Variants in CDH23 observed in about 807,000 individuals in gnomAD.
CDH23 encodes cadherin related 23.
CDH23 carries 189 observed loss-of-function variants against 317.1 expected under a neutral mutation model. The ratio of observed to expected loss-of-function variants is 0.60; its 90% CI spans 0.53 to 0.67. The LOEUF (loss-of-function observed/expected upper bound fraction) is 0.67, where lower values mean the gene tolerates loss of function less well. CDH23 is among the 30% of genes least tolerant of loss of function. CDH23 has a pLI of 0.00. For synonymous variants in CDH23, 1,839 were observed against 1,876.8 expected, an observed-to-expected ratio of 0.98 and a Z score of 0.52; for missense variants, 4,401 against 4,592.4, an observed-to-expected ratio of 0.96 and a Z score of 1.20.
chr10:71,628,857 A>G (rs781038181), intron 11 of CDH23, among the ~76,000 whole-genome samples: 6 of 152,228 alleles, frequency 3.9e-5, no homozygotes, highest in African/African-American at 7.2e-5. Context: ...TGCAAGGTGC[A>G]GAGCACGTTT....
At chr10:71,504,707 C>G (rs1853537283) in intron 3 of CDH23, among the ~76,000 whole-genome samples, 3 of 152,178 alleles carry the variant, frequency 2.0e-5, no homozygotes, top group Admixed American at 2.0e-4. Flanking sequence ...AAGACTGGGC[C>G]TTTCAGTCAT....
intron 6 of CDH23, among the ~76,000 whole-genome samples, chr10:71,532,061 G>T (rs571443965): frequency 3.9e-5 from 6 of 152,236 alleles, no homozygotes; most frequent in African/African-American, 1.4e-4. Flanking sequence ...AGAGCAAAAG[G>T]TAGGAAAAGC....
At chr10:71,479,718 G>A (rs1404532572) in intron 3 of CDH23, among the ~76,000 whole-genome samples, 9 of 152,076 alleles carry the variant, frequency 5.9e-5, no homozygotes, top group Admixed American at 5.9e-4. Context: ...GGCCCGGTGA[G>A]GATCAGGGGC....
intron 9 of CDH23, among the ~76,000 whole-genome samples, chr10:71,582,398 G>C (rs1480886922): frequency 6.6e-6 from 1 of 152,158 alleles, no homozygotes; most frequent in African/African-American, 2.4e-5. Context: ...TTATATTGAT[G>C]ACATGTTGAA....
chr10:71,420,111 T>C (rs1028510732), intron 1 of CDH23, among the ~76,000 whole-genome samples: 2 of 152,160 alleles, frequency 1.3e-5, no homozygotes, highest in African/African-American at 2.4e-5. Flanking sequence ...GAAATCCAAA[T>C]AGGGAGGGAA....
chr10:71,460,956 C>T (rs1438360861), intron 3 of CDH23, among the ~76,000 whole-genome samples: 1 of 152,234 alleles, frequency 6.6e-6, no homozygotes, highest in Non-Finnish European at 1.5e-5. Context: ...ACTAGGGACA[C>T]CACCTCTGCA....
chr10:71,570,771 G>A lies in CDH23; in HGVS notation c.625-19G>A. 6.3e-7 allele frequency: 1 copy of A among 1,593,244 alleles called. No homozygotes were observed. The highest frequency in any genetic ancestry group is 8.5e-7 in the Non-Finnish European group (1 of 1,169,756). ...ACCATCACTCAACCTAAGGCTGTGT[G>A]TTCTCTCCGCTCTCTAAGGATCAAG... On this transcript the variant is annotated intron_variant, in intron 7 of 69. Coordinates refer to ENST00000224721, the MANE Select transcript of CDH23 (RefSeq NM_022124.6).
Position 71,732,115 on chromosome 10 carries a change from A to G in CDH23, c.3844A>G (p.Asn1282Asp). 1 of 1,613,978 alleles carries G rather than the reference A, an allele frequency of 6.2e-7. No homozygotes were observed. Among genetic ancestry groups the G allele is most frequent in the East Asian group, 2.2e-5 (1 of 44,882 alleles). Residue 1282 changes from asparagine to aspartate, a missense_variant, in exon 32 of 70, where the codon AAT (asparagine) becomes GAT (aspartate). Asn to Asp is a conservative substitution (Grantham distance 23). Transcript: ENST00000224721. ...DYETKTSYMM[N>D]VSATDQAPPF... ...CGAGACCAAGACCAGCTACATGATG[A>G]ATGTGTCGGCCACTGACCAGGCCCC...
chr10:71,539,331 G>C (rs1391658947), intron 6 of CDH23, among the ~76,000 whole-genome samples: 3 of 152,100 alleles, frequency 2.0e-5, no homozygotes, highest in Non-Finnish European at 2.9e-5. Context: ...CCTATAGCCT[G>C]GCACTCCAGG....
intron 9 of CDH23, among the ~76,000 whole-genome samples, chr10:71,607,339 T>A (rs889627027): frequency 1.4e-4 from 21 of 152,232 alleles, no homozygotes; most frequent in Admixed American, 1.2e-3. Context: ...CTGAGTTTAA[T>A]TCCTTGCTCT....
At chr10:71,759,852 C>CACACACACAT (rs1840261437) in intron 38 of CDH23, among the ~76,000 whole-genome samples, 2 of 76,906 alleles carry the variant, frequency 2.6e-5, no homozygotes, top group Non-Finnish European at 5.2e-5. Flanking sequence ...CACACATATA[C>CACACACACAT]ACACACACAC....
intron 22 of CDH23, 101 bp from the exon 23 acceptor site, chr10:71,701,921 C>T (rs919087647): frequency 7.9e-7 from 1 of 1,268,790 alleles, no homozygotes; most frequent in African/African-American, 1.5e-5. Context: ...CCAGGATGTC[C>T]CCTCCCCAGG....
At chr10:71,621,597 G>T (rs985542385) in intron 11 of CDH23, among the ~76,000 whole-genome samples, 2 of 152,244 alleles carry the variant, frequency 1.3e-5, no homozygotes, top group African/African-American at 4.8e-5. Flanking sequence ...CTGAGTTTGT[G>T]TAGCAAGGAT....
At chr10:71,423,777 T>C (rs2131957644) in intron 1 of CDH23, among the ~76,000 whole-genome samples, 1 of 152,274 alleles carries the variant, frequency 6.6e-6, no homozygotes, top group African/African-American at 2.4e-5. Context: ...TGTTCCTGCC[T>C]CCAAGGCCAG....
At chr10:71,776,570 A>G (rs151010224) in intron 38 of CDH23, among the ~76,000 whole-genome samples, 141 of 152,354 alleles carry the variant, frequency 9.3e-4, no homozygotes, top group African/African-American at 3.3e-3. Context: ...AGAGAGTTTA[A>G]TACAGGGACT....
At chr10:71,647,713 AG>A (rs1474744383) in intron 14 of CDH23, 4 of 152,092 alleles carry the variant, frequency 2.6e-5, no homozygotes, top group African/African-American at 9.7e-5. Context: ...TATGCCGGGG[AG>A]GGATCACACT....
Position 71,617,390 on chromosome 10 carries a change from T to C in CDH23, c.1131T>C (p.Asp377=), listed in dbSNP as rs1389134726. ...LPLFIQVVDK[D]ENLGLNSMFE... ...TCTTCATCCAGGTGGTGGACAAGGATGAGGTGAGTCCCTGGACACATGGCC... is the reference window on the plus strand; with the variant it reads ...TCTTCATCCAGGTGGTGGACAAGGACGAGGTGAGTCCCTGGACACATGGCC... Residue 377 remains aspartate, a synonymous_variant, in exon 11 of 70, where the codon GAT becomes GAC. Coordinates refer to ENST00000224721, the MANE Select transcript of CDH23 (RefSeq NM_022124.6). 6.2e-7 allele frequency: 1 copy of C among 1,613,240 alleles called. No homozygotes were observed. Among genetic ancestry groups the C allele is most frequent in the South Asian group, 1.1e-5 (1 of 91,044 alleles).
intron 1 of CDH23, among the ~76,000 whole-genome samples, chr10:71,428,461 G>A (rs1454822622): frequency 1.3e-5 from 2 of 151,320 alleles, no homozygotes; most frequent in East Asian, 3.9e-4. Flanking sequence ...TTATGTGTGT[G>A]TGTGTGTGTT....
intron 3 of CDH23, among the ~76,000 whole-genome samples, chr10:71,509,507 C>T (rs1210605041): frequency 6.6e-6 from 1 of 152,186 alleles, no homozygotes; most frequent in East Asian, 1.9e-4. Context: ...CTCAGACAGG[C>T]TCTTCTTGTG....
Sources: allele counts gnomAD v4.1 joint callset (sites outside exome capture counted in the v4.1 genomes callset), GRCh38; gene constraint gnomAD v4.1.1; transcripts MANE v1.5; gene names NCBI Gene and HGNC (gene_info 2026-07-23, HGNC 2026-07-21).